The following BMAL1 variants were observed in gnomAD, a reference collection of about 807,000 sequenced individuals.
BMAL1 encodes basic helix-loop-helix ARNT-like protein 1.
At chr11:13,376,491 C>G in the BMAL1 span, 6 of 777,274 alleles carry the variant, frequency 7.7e-6, no homozygotes, top group Middle Eastern at 2.3e-4. Context: ...TATTATCAAA[C>G]AGTGAGACCT....
At chr11:13,354,522 A>G in the BMAL1 span, 5 of 1,554,542 alleles carry the variant, frequency 3.2e-6, no homozygotes, top group Non-Finnish European at 4.4e-6. Context: ...TCTAGCAGCC[A>G]GCTACTGTTT....
the BMAL1 span, among the ~76,000 whole-genome samples, chr11:13,352,315 A>AG: frequency 6.6e-6 from 1 of 152,216 alleles, no homozygotes; most frequent in Admixed American, 6.5e-5. Context: ...GGCGGCATGC[A>AG]GGCCTCTAAG....
chr11:13,386,456 A>T, the BMAL1 span: 2 of 848,506 alleles, frequency 2.4e-6, no homozygotes, highest in Non-Finnish European at 3.4e-6. Flanking sequence ...AAAAAAAGAT[A>T]GCCATGCAGC....
chr11:13,384,041 G>A, the BMAL1 span, among the ~76,000 whole-genome samples: 1 of 152,156 alleles, frequency 6.6e-6, no homozygotes, highest in African/African-American at 2.4e-5. Context: ...GTTGTGAGTT[G>A]AACTAGCTAC....
At chr11:13,382,238 G>A in the BMAL1 span, among the ~76,000 whole-genome samples, 103 of 152,172 alleles carry the variant, frequency 6.8e-4, no homozygotes, top group African/African-American at 2.1e-3. Context: ...TTGAAAAAGC[G>A]TTTTGCTCCC....
chr11:13,372,915 CAATT>C, the BMAL1 span, among the ~76,000 whole-genome samples: 2 of 152,096 alleles, frequency 1.3e-5, no homozygotes, highest in East Asian at 1.9e-4. Flanking sequence ...CATATAGAGA[CAATT>C]AAGTGGGGTG....
At chr11:13,375,106 G>C in the BMAL1 span, among the ~76,000 whole-genome samples, 1 of 152,152 alleles carries the variant, frequency 6.6e-6, no homozygotes, top group Non-Finnish European at 1.5e-5. Context: ...CTCTTCTTGA[G>C]GGCAGGAGTC....
chr11:13,348,850 G>A, the BMAL1 span, among the ~76,000 whole-genome samples: 2 of 152,180 alleles, frequency 1.3e-5, no homozygotes, highest in Non-Finnish European at 2.9e-5. Context: ...TTCATTTGGA[G>A]ATCTCTATAG....
chr11:13,381,081 C>G, the BMAL1 span: 1 of 1,433,318 alleles, frequency 7.0e-7, no homozygotes, highest in Admixed American at 1.7e-5. Context: ...TCTTCATCCC[C>G]TTTCTCACCT....
chr11:13,356,424 C>T, the BMAL1 span: 1 of 559,040 alleles, frequency 1.8e-6, no homozygotes, highest in South Asian at 1.7e-5. Context: ...CTATGGTTAA[C>T]TAAGCATTTT....
At chr11:13,366,518 G>A in the BMAL1 span, 1 of 677,110 alleles carries the variant, frequency 1.5e-6, no homozygotes, top group East Asian at 2.8e-5. Context: ...AAAGTGGTTG[G>A]ACATATGTAC....
the BMAL1 span, among the ~76,000 whole-genome samples, chr11:13,304,711 C>T: frequency 6.6e-6 from 1 of 152,138 alleles, no homozygotes; most frequent in Admixed American, 6.5e-5. Flanking sequence ...CTGAGTGTGC[C>T]CTCTAGGGGG....
chr11:13,281,522 T>G, the BMAL1 span, among the ~76,000 whole-genome samples: 1 of 152,096 alleles, frequency 6.6e-6, no homozygotes, highest in East Asian at 1.9e-4. Context: ...TTTGCAGTAT[T>G]TCTTTTATTT....
the BMAL1 span, among the ~76,000 whole-genome samples, chr11:13,285,189 C>A: frequency 6.6e-6 from 1 of 152,316 alleles, no homozygotes; most frequent in South Asian, 2.1e-4. Context: ...TCATAATGAG[C>A]AAATTACCAT....
the BMAL1 span, among the ~76,000 whole-genome samples, chr11:13,325,661 G>GTGTGTGTGTT: frequency 6.7e-6 from 1 of 149,166 alleles, no homozygotes; most frequent in South Asian, 2.1e-4. Flanking sequence ...GACCTTTTGT[G>GTGTGTGTGTT]TGTGTGTGTG....
the BMAL1 span, among the ~76,000 whole-genome samples, chr11:13,314,205 A>G: frequency 2.0e-5 from 3 of 146,696 alleles, no homozygotes; most frequent in Admixed American, 1.4e-4. Flanking sequence ...ATGCTCAGCA[A>G]CCTGAGCTCC....
the BMAL1 span, among the ~76,000 whole-genome samples, chr11:13,279,952 T>C: frequency 6.6e-6 from 1 of 152,192 alleles, no homozygotes; most frequent in African/African-American, 2.4e-5. Flanking sequence ...CTGGTTCTAG[T>C]TTAGGCTTGG....
the BMAL1 span, chr11:13,360,270 G>A: frequency 7.3e-7 from 1 of 1,365,616 alleles, no homozygotes; most frequent in Non-Finnish European, 1.0e-6. Flanking sequence ...CTTACAGAAG[G>A]TTTGAGGCAG....
At chr11:13,386,571 G>C in the BMAL1 span, 1 of 1,554,122 alleles carries the variant, frequency 6.4e-7, no homozygotes, top group Admixed American at 1.8e-5. Context: ...AGAAATCACT[G>C]ACCAGTCTTT....
Sources: gnomAD v4.1 joint callset for allele counts (sites outside exome capture counted in the v4.1 genomes callset) on GRCh38, gnomAD v4.1.1 for gene constraint, MANE v1.5 for transcripts, NCBI Gene and HGNC (gene_info 2026-07-23, HGNC 2026-07-21) for gene names.